TEX15: variants seen among roughly 807,000 people sequenced by gnomAD.
TEX15 encodes the protein testis expressed 15, meiosis and synapsis associated, also known as testis-expressed protein 15.
A neutral mutation model predicts 237.3 loss-of-function variants in TEX15; 171 were observed. The observed-to-expected ratio is 0.72, with a 90% CI of 0.64 to 0.82. The LOEUF is 0.82. Ranked by LOEUF, TEX15 falls within the 40% of genes least tolerant of loss-of-function variation. The probability of loss-of-function intolerance (pLI) is 0.00; values close to 1 mark genes in which losing one functional copy is unlikely to be tolerated. For missense variants in TEX15, 3,750 were observed against 3,646.5 expected (o/e 1.03, Z -0.73); for synonymous variants, 1,338 against 1,269.8 (o/e 1.05, Z -1.14).
intron 2 of TEX15, among the ~76,000 whole-genome samples, chr8:30,888,107 G>T (rs1808702271): frequency 6.6e-6 from 1 of 150,926 alleles, no homozygotes; most frequent in Non-Finnish European, 1.5e-5. Flanking sequence ...TTGAGACAGG[G>T]TCTCTCTGTG....
chr8:30,904,384 T>C (rs1585318143), intron 1 of TEX15, among the ~76,000 whole-genome samples: 1 of 150,198 alleles, frequency 6.7e-6, no homozygotes, highest in South Asian at 2.1e-4. Flanking sequence ...GAGATGGAGG[T>C]TGCAGTGAGC....
intron 1 of TEX15, among the ~76,000 whole-genome samples, chr8:30,899,646 T>A (rs1808971153): frequency 6.6e-6 from 1 of 152,156 alleles, no homozygotes; most frequent in South Asian, 2.1e-4. Flanking sequence ...AGATGGGGTT[T>A]CACCATGTCT....
At chr8:30,897,575 T>C (rs6989434) in intron 2 of TEX15, among the ~76,000 whole-genome samples, 53,556 of 152,068 alleles carry the variant, frequency 0.35, 14,257 homozygotes, top group African/African-American at 0.74. Flanking sequence ...TCATTTAAAA[T>C]CCATATGATT....
Position 30,842,493 on chromosome 8 carries a change from G to A in TEX15, c.7674C>T (p.Ser2558=). 6 of 1,612,616 alleles carry A rather than the reference G, an allele frequency of 3.7e-6. No individual in the cohort carries two copies. Among genetic ancestry groups the A allele is most frequent in the Non-Finnish European group, 5.1e-6 (6 of 1,179,682 alleles). Residue 2558 remains serine, a synonymous_variant, in exon 8 of 11, where the codon TCC becomes TCT. Coordinates refer to ENST00000643185, the MANE Select transcript of TEX15 (RefSeq NM_001350162.2). The part of the protein sequence containing the change: ...LSEIKKLLKK[S]KYFISTYIDF... ...CAATATATGTGGAAATAAAATACTT[G>A]GACTTCTTCAGAAGCTTTTTTATTT...
Position 30,848,439 on chromosome 8 carries a change from G to C in TEX15, c.1728C>G (p.Tyr576Ter). 6.2e-7 allele frequency: 1 copy of C among 1,614,052 alleles called. No homozygotes were observed. Among genetic ancestry groups the C allele is most frequent in the South Asian group, 1.1e-5 (1 of 91,072 alleles). Residue 576 changes from tyrosine (Y) to a stop codon, truncating the protein, a stop_gained, in exon 8 of 11, where the codon TAC (tyrosine) becomes TAG (stop). Transcript: ENST00000643185. LOFTEE classifies it high-confidence loss of function. ...QESGNAYTKEYSSHIFQDSQS... is the reference protein window; with the variant it reads ...QESGNAYTKE ...GCGAGTCCTGAAAAATGTGACTACT[G>C]TACTCTTTTGTATAAGCATTACCGG...
In TEX15 at chr8:30,842,385, C is replaced by G; in HGVS notation, c.7782G>C (p.Leu2594=). The G allele has an allele frequency of 6.2e-7, 1 of 1,613,760 alleles. No homozygotes were observed. ...LEYNYNQFST[L]LKNVMSAPRK... Reference sequence around the variant, plus strand: ...TAGGGGCAGACATTACATTCTTCAGCAGTGTAGAAAATTGATTGTAGTTGT... The same window carrying G: ...TAGGGGCAGACATTACATTCTTCAGGAGTGTAGAAAATTGATTGTAGTTGT... Residue 2594 remains leucine (L), a synonymous_variant, in exon 8 of 11, where the codon CTG becomes CTC. Coordinates refer to ENST00000643185, the MANE Select transcript of TEX15 (RefSeq NM_001350162.2).
intron 5 of TEX15, among the ~76,000 whole-genome samples, chr8:30,862,890 T>C (rs1808081587): frequency 6.6e-6 from 1 of 152,236 alleles, no homozygotes; most frequent in Admixed American, 6.5e-5. Context: ...AGATTTTGAA[T>C]ACCTTTTAGA....
At position 30,847,472 on chromosome 8, in the gene TEX15, T is replaced by C; in HGVS notation, c.2695A>G (p.Ile899Val). The C allele has an allele frequency of 5.0e-6, 8 of 1,612,804 alleles. No individual in the cohort carries two copies. Among genetic ancestry groups the C allele is most frequent in the Non-Finnish European group, 6.8e-6 (8 of 1,179,724 alleles). ...TAATTTTTGTCCTCCTTTTCATCTA[T>C]ATTGCTGAAATTTTCGTTTGTATGA... is the stretch of plus-strand genomic sequence containing the variant. Reference protein sequence around the residue: ...DSHTNENFSNIDEKEDKNYHN... With the variant: ...DSHTNENFSNVDEKEDKNYHN... Residue 899 changes from isoleucine (I) to valine (V), a missense_variant, in exon 8 of 11, where the codon ATA (isoleucine) becomes GTA (valine). Physicochemically the swap from Ile to Val is conservative, Grantham distance 29. Coordinates refer to ENST00000643185, the MANE Select transcript of TEX15 (RefSeq NM_001350162.2).
chr8:30,874,336 A>T (rs1440546908), intron 4 of TEX15, among the ~76,000 whole-genome samples: 1 of 152,226 alleles, frequency 6.6e-6, no homozygotes, highest in Non-Finnish European at 1.5e-5. Flanking sequence ...GGAATGCTAA[A>T]TTGTGCTTAC....
chr8:30,832,496 C>T lies in TEX15; in HGVS notation c.*790G>A, dbSNP rs1201943663. The T allele has an allele frequency of 1.3e-5, 2 of 152,080 alleles. No individual in the cohort carries two copies. The highest frequency in any genetic ancestry group is 2.9e-5 in the Non-Finnish European group (2 of 68,008). The allele number at this position is 152,080 out of a possible 1,614,324, so 9.4% of individuals were successfully genotyped here. ...ATTACTAAGAGAGTTTTTACTTTTG[C>T]AGAAGGTTAAAAAGAAAAGTCTATG... On this transcript the variant is annotated 3_prime_UTR_variant, in exon 11 of 11. Transcript: ENST00000643185.
chr8:30,844,047 A>T lies in TEX15; in HGVS notation c.6120T>A (p.Cys2040Ter). The T allele has an allele frequency of 6.2e-7, 1 of 1,611,836 alleles. No individual in the cohort carries two copies. ...TTGAAATCAGGATTTGTTCAACTGAACATTCTTGCTTTCTTTCAAAAGCTT... is the reference window on the plus strand; with the variant it reads ...TTGAAATCAGGATTTGTTCAACTGATCATTCTTGCTTTCTTTCAAAAGCTT... ...FVEAFERKQECSVEQILISRE... is the reference protein window; with the variant it reads ...FVEAFERKQE Residue 2040 changes from cysteine to a stop codon, truncating the protein, a stop_gained, in exon 8 of 11, where the codon TGT becomes TGA. Transcript: ENST00000643185. LOFTEE classifies it high-confidence loss of function.
chr8:30,833,722 G>GACA (rs1159526947), intron 10 of TEX15, among the ~76,000 whole-genome samples: 1 of 152,166 alleles, frequency 6.6e-6, no homozygotes, highest in East Asian at 1.9e-4. Context: ...CTGTAAGTGT[G>GACA]AGAGGTGATT....
At chr8:30,858,272 A>T (rs1807954617) in intron 7 of TEX15, among the ~76,000 whole-genome samples, 1 of 151,882 alleles carries the variant, frequency 6.6e-6, no homozygotes, top group Non-Finnish European at 1.5e-5. Context: ...GGTAAAACAC[A>T]ACTATTTTAC....
At chr8:30,865,833 A>G (rs2128771545) in intron 5 of TEX15, among the ~76,000 whole-genome samples, 1 of 152,290 alleles carries the variant, frequency 6.6e-6, no homozygotes, top group Non-Finnish European at 1.5e-5. Context: ...CCTACAGCTA[A>G]TATCATACTG....
At position 30,846,232 on chromosome 8, in the gene TEX15, T is replaced by C; in HGVS notation, c.3935A>G (p.Asn1312Ser). The change falls in exon 8 of 11, where the codon AAC becomes AGC. Residue 1312 changes from asparagine (N) to serine (S), a missense_variant. Coordinates refer to ENST00000643185, the MANE Select transcript of TEX15 (RefSeq NM_001350162.2). ...TCGTCTTAAATCTTTATGTGGTATG[T>C]TCTGATCCCTGGAAGATATATGTAG... is the stretch of plus-strand genomic sequence containing the variant. ...RKLHISSRDQNIPHKDLRRHK... is the reference protein window; with the variant it reads ...RKLHISSRDQSIPHKDLRRHK... 1.9e-6 allele frequency: 3 copies of C among 1,613,654 alleles called. No homozygotes were observed. Among genetic ancestry groups the C allele is most frequent in the Non-Finnish European group, 2.5e-6 (3 of 1,179,700 alleles).
intron 7 of TEX15, among the ~76,000 whole-genome samples, chr8:30,854,084 A>AAGAC (rs1807848018): frequency 6.6e-6 from 1 of 151,978 alleles, no homozygotes; most frequent in Non-Finnish European, 1.5e-5. Flanking sequence ...CTTCCATCTT[A>AAGAC]AGACACACAC....
intron 3 of TEX15, chr8:30,886,778 G>C (rs756488497): frequency 3.3e-4 from 52 of 155,554 alleles, no homozygotes; most frequent in Non-Finnish European, 3.7e-4. Flanking sequence ...GGGGCTTTTG[G>C]GGGAGGTCTG....
At chr8:30,836,671 C>T in intron 10 of TEX15, 132 bp downstream of exon 10, 1 of 859,154 alleles carries the variant, frequency 1.2e-6, no homozygotes, top group Non-Finnish European at 1.8e-6. Context: ...ATTGGCAATT[C>T]TACAAATCTG....
chr8:30,886,295 C>T (rs1808643958), intron 3 of TEX15, among the ~76,000 whole-genome samples: 1 of 152,196 alleles, frequency 6.6e-6, no homozygotes, highest in South Asian at 2.1e-4. Context: ...TCTGGCTTTC[C>T]ACAGGGCCTC....
Sources: allele counts gnomAD v4.1 joint callset (sites outside exome capture counted in the v4.1 genomes callset), GRCh38; gene constraint gnomAD v4.1.1; transcripts MANE v1.5; gene names NCBI Gene and HGNC (gene_info 2026-07-23, HGNC 2026-07-21).